Variants in CFAP299 observed in about 807,000 individuals in gnomAD.
The protein encoded by CFAP299 is cilia- and flagella-associated protein 299.
In CFAP299, 21 loss-of-function variants were observed where a neutral mutation model predicts 27.0. The observed-to-expected ratio is 0.78, with a 90% CI of 0.55 to 1.12. CFAP299 has a LOEUF of 1.12. Among genes scored for constraint, CFAP299 ranks in the 50% most tolerant of loss-of-function variants. The pLI is 0.00. For synonymous variants in CFAP299, 104 were observed against 98.1 expected, an observed-to-expected ratio of 1.06 and a Z score of -0.36; for missense variants, 310 against 276.6, an observed-to-expected ratio of 1.12 and a Z score of -0.86.
chr4:80,340,807 C>T (rs1171040458), intron 1 of CFAP299, among the ~76,000 whole-genome samples: 3 of 151,576 alleles, frequency 2.0e-5, no homozygotes, highest in Admixed American at 6.6e-5. Context: ...TGGAGTTTCA[C>T]TCTTTTTGCC....
chr4:80,337,340 T>A (rs1722201078), intron 1 of CFAP299, among the ~76,000 whole-genome samples: 1 of 152,142 alleles, frequency 6.6e-6, no homozygotes, highest in Non-Finnish European at 1.5e-5. Context: ...AGTATGGACC[T>A]AAAACATTAA....
chr4:80,487,788 A>T (rs1730902466), intron 2 of CFAP299, among the ~76,000 whole-genome samples: 1 of 152,214 alleles, frequency 6.6e-6, no homozygotes, highest in Non-Finnish European at 1.5e-5. Context: ...TTAGGCCTAA[A>T]ATAACTTACA....
intron 2 of CFAP299, among the ~76,000 whole-genome samples, chr4:80,558,620 T>A (rs1386086022): frequency 6.6e-6 from 1 of 151,946 alleles, no homozygotes; most frequent in African/African-American, 2.4e-5. Context: ...TTCATAGGAA[T>A]TGAACAAATT....
intron 3 of CFAP299, among the ~76,000 whole-genome samples, chr4:80,645,177 A>G (rs1016435440): frequency 2.6e-5 from 4 of 152,204 alleles, no homozygotes; most frequent in Admixed American, 1.3e-4. Flanking sequence ...CTCTTAATGA[A>G]TAGTACTATC....
intron 3 of CFAP299, among the ~76,000 whole-genome samples, chr4:80,785,050 A>G (rs1483184089): frequency 6.7e-6 from 1 of 148,972 alleles, no homozygotes; most frequent in East Asian, 2.0e-4. Flanking sequence ...AGTCTCATTT[A>G]TTTTTGTTTT....
chr4:80,902,586 T>TACACACACAC (rs3038572), intron 4 of CFAP299, among the ~76,000 whole-genome samples: 4,558 of 126,628 alleles, frequency 0.036, 133 homozygotes, highest in Non-Finnish European at 0.054. Context: ...ATGTAATATA[T>TACACACACAC]ACACACACAC....
rs943315278 is a variant in CFAP299 at position 80,844,112 on chromosome 4, C to T, written c.334-25881C>T. On this transcript the variant is annotated intron_variant, in intron 3 of 5. Transcript: ENST00000358105. Reference sequence around the variant, plus strand: ...CGTTTTTTATGGCTGCATAGTATTCCATGGTGTATATGTGCCACATTTTCT... The same window carrying T: ...CGTTTTTTATGGCTGCATAGTATTCTATGGTGTATATGTGCCACATTTTCT... Among the ~76,000 whole-genome samples the T allele has an allele frequency of 5.9e-5, 9 of 152,252 alleles. 1 individual carries two copies. In the East Asian group the frequency reaches 1.7e-3, roughly 29 times the overall value.
chr4:80,626,796 A>G (rs1219887464), intron 3 of CFAP299, among the ~76,000 whole-genome samples: 1 of 151,788 alleles, frequency 6.6e-6, no homozygotes. Context: ...TTTATTATGA[A>G]GACATAAAAA....
chr4:80,939,172 T>C (rs1473439670), intron 4 of CFAP299, among the ~76,000 whole-genome samples: 2 of 152,222 alleles, frequency 1.3e-5, no homozygotes, highest in South Asian at 2.1e-4. Flanking sequence ...TTTAGCCTAT[T>C]TGGGAATCTT....
intron 3 of CFAP299, among the ~76,000 whole-genome samples, chr4:80,607,625 A>G (rs1481454837): frequency 6.6e-6 from 1 of 152,162 alleles, no homozygotes; most frequent in South Asian, 2.1e-4. Flanking sequence ...AGAATTCAAC[A>G]TTTTCCTACT....
At chr4:80,786,117 C>T (rs1357622136) in intron 3 of CFAP299, among the ~76,000 whole-genome samples, 1 of 151,984 alleles carries the variant, frequency 6.6e-6, no homozygotes, top group Non-Finnish European at 1.5e-5. Context: ...ACTAGTTACC[C>T]TGAATTCTAA....
chr4:80,766,744 AT>A (rs1725886311), intron 3 of CFAP299, among the ~76,000 whole-genome samples: 1 of 152,184 alleles, frequency 6.6e-6, no homozygotes, highest in Non-Finnish European at 1.5e-5. Flanking sequence ...GAATGTTAGG[AT>A]TTTGTGAGTG....
chr4:80,650,977 AC>A (rs1740248137), intron 3 of CFAP299, among the ~76,000 whole-genome samples: 1 of 152,048 alleles, frequency 6.6e-6, no homozygotes, highest in African/African-American at 2.4e-5. Context: ...TACTCAAGTA[AC>A]CAAATACCAC....
intron 4 of CFAP299, among the ~76,000 whole-genome samples, chr4:80,910,811 T>TA (rs1008234045): frequency 8.7e-5 from 13 of 150,166 alleles, no homozygotes; most frequent in South Asian, 4.2e-4. Context: ...AAATAAAAGT[T>TA]AAAAAAAAAA....
At chr4:80,874,931 C>A (rs1208614144) in intron 4 of CFAP299, among the ~76,000 whole-genome samples, 1 of 151,836 alleles carries the variant, frequency 6.6e-6, no homozygotes, top group African/African-American at 2.4e-5. Context: ...TATAAAATGT[C>A]TTATTAGTAA....
At chr4:80,783,846 A>G (rs980415175) in intron 3 of CFAP299, among the ~76,000 whole-genome samples, 2 of 152,156 alleles carry the variant, frequency 1.3e-5, no homozygotes, top group Admixed American at 6.6e-5. Context: ...ATATTAATTT[A>G]TTTTGATAAA....
chr4:80,803,095 G>T, intron 3 of CFAP299, among the ~76,000 whole-genome samples: 1 of 152,056 alleles, frequency 6.6e-6, no homozygotes, highest in African/African-American at 2.4e-5. Context: ...ATCAGTGATG[G>T]GAAGATAATT....
intron 4 of CFAP299, chr4:80,871,657 A>C: frequency 1.0e-6 from 1 of 975,250 alleles, no homozygotes; most frequent in African/African-American, 1.8e-5. Flanking sequence ...ATAATTTATT[A>C]AAAACACTGA....
At position 80,877,052 on chromosome 4, in the gene CFAP299, A is replaced by G. The variant is rs545123949; in HGVS notation, c.476+6917A>G. On this transcript the variant is annotated intron_variant, in intron 4 of 5. Transcript: ENST00000358105. Reference sequence around the variant, plus strand: ...GTGTCCCCACAGCTTTGTGTGTGGAAGAGCTCTGAACAGAATTAAAAGTGA... The same window carrying G: ...GTGTCCCCACAGCTTTGTGTGTGGAGGAGCTCTGAACAGAATTAAAAGTGA... 2.0e-5 allele frequency among the ~76,000 whole-genome samples: 3 copies of G among 152,262 alleles called. No homozygotes were observed. The East Asian group carries it at 5.8e-4, about 29-fold the overall frequency.
Sources: gnomAD v4.1 joint callset for allele counts (sites outside exome capture counted in the v4.1 genomes callset) on GRCh38, gnomAD v4.1.1 for gene constraint, MANE v1.5 for transcripts, NCBI Gene and HGNC (gene_info 2026-07-23, HGNC 2026-07-21) for gene names.